The following GSDMC variants were observed in gnomAD, a reference collection of about 807,000 sequenced individuals.
GSDMC encodes gasdermin C, also known as gasdermin-C.
Under a neutral mutation model 58.0 loss-of-function variants are expected in GSDMC, and 59 were observed. The ratio of observed to expected loss-of-function variants is 1.02; its 90% confidence interval spans 0.82 to 1.26. The LOEUF (loss-of-function observed/expected upper bound fraction) is 1.26. Ranked by LOEUF, GSDMC falls within the 50% of genes most tolerant of loss-of-function variation. GSDMC has a pLI of 0.00. For synonymous variants in GSDMC, 241 were observed against 220.2 expected, an observed-to-expected ratio of 1.09 and a Z score of -0.83; for missense variants, 659 against 598.5, an observed-to-expected ratio of 1.10 and a Z score of -1.06.
At chr8:129,738,710 C>T in the GSDMC span, among the ~76,000 whole-genome samples, 91 of 152,094 alleles carry the variant, frequency 6.0e-4, no homozygotes, top group Non-Finnish European at 4.6e-4. Flanking sequence ...ATGTAAATGA[C>T]GAGTTAACGG....
At chr8:129,735,669 A>C in the GSDMC span, among the ~76,000 whole-genome samples, 4 of 152,244 alleles carry the variant, frequency 2.6e-5, no homozygotes, top group Non-Finnish European at 4.4e-5. Flanking sequence ...GTGTACAGGG[A>C]AATTTATAGC....
chr8:129,770,929 G>A (rs570220573), intron 3 of GSDMC, among the ~76,000 whole-genome samples: 1 of 151,680 alleles, frequency 6.6e-6, no homozygotes, highest in Admixed American at 6.6e-5. Context: ...AAAGGAAAGA[G>A]ATGGAAAAAG....
At chr8:129,745,849 G>A (rs967534121), downstream of GSDMC, among the ~76,000 whole-genome samples, 9 of 82,316 alleles carry the variant, frequency 1.1e-4, no homozygotes, top group East Asian at 5.5e-4. Context: ...AAGAGAGGCC[G>A]GGGCAATCAT....
downstream of GSDMC, among the ~76,000 whole-genome samples, chr8:129,747,324 G>A (rs2032985500): frequency 6.6e-6 from 1 of 151,838 alleles, no homozygotes; most frequent in African/African-American, 2.4e-5. Flanking sequence ...TACACTCCTT[G>A]GCAATTTACA....
chr8:129,748,649 C>T lies in GSDMC; in HGVS notation c.1379G>A (p.Gly460Asp). The change falls in exon 14 of 14, where the codon GGT becomes GAT. Residue 460 changes from glycine to aspartate, a missense_variant. By Grantham distance (94) the Gly-to-Asp change is moderately conservative. Coordinates refer to ENST00000276708, the MANE Select transcript of GSDMC (RefSeq NM_031415.3). ...CAGCAGGCCATAGGTGATGGCCAAA[C>T]CCTCACTCTGGAGTGGGGCGAGGAG... ...PELLAPLQSE[G>D]LAITYGLLEE... The T allele has an allele frequency of 6.2e-7, 1 of 1,611,126 alleles. No individual in the cohort carries two copies. The highest frequency in any genetic ancestry group is 8.5e-7 in the Non-Finnish European group (1 of 1,178,728).
At chr8:129,705,825 TC>T in the GSDMC span, among the ~76,000 whole-genome samples, 345 of 152,262 alleles carry the variant, frequency 2.3e-3, no homozygotes, top group Non-Finnish European at 3.8e-3. Context: ...ATAGAATTTG[TC>T]TTCAAATATA....
At chr8:129,736,372 T>C in the GSDMC span, among the ~76,000 whole-genome samples, 2 of 152,186 alleles carry the variant, frequency 1.3e-5, no homozygotes, top group African/African-American at 2.4e-5. Flanking sequence ...CTGATGAACA[T>C]CGACGTGAAA....
chr8:129,758,391 A>G (rs1013839252), intron 6 of GSDMC, among the ~76,000 whole-genome samples: 1 of 152,226 alleles, frequency 6.6e-6, no homozygotes, highest in Non-Finnish European at 1.5e-5. Context: ...AGAAAGAACT[A>G]AAGGGCATCC....
the GSDMC span, among the ~76,000 whole-genome samples, chr8:129,738,502 G>A: frequency 6.6e-6 from 1 of 152,188 alleles, no homozygotes; most frequent in East Asian, 1.9e-4. Context: ...CATGTCCTTT[G>A]CAAGGACATG....
rs1368183182 is a variant in GSDMC at position 129,750,121 on chromosome 8, T to G, written c.1084-2A>C. 1 of 1,559,924 alleles carries G rather than the reference T, an allele frequency of 6.4e-7. No homozygotes were observed. The highest frequency in any genetic ancestry group is 2.2e-5 in the East Asian group (1 of 44,498). ...ATGACCTGAGCTGTCCAATTCCAGC[T>G]ATAGAAGACAGGTATTATTGTTAAT... On this transcript the variant is annotated splice_acceptor_variant, in intron 11 of 13. Coordinates refer to ENST00000276708, the MANE Select transcript of GSDMC (RefSeq NM_031415.3). LOFTEE classifies it high-confidence loss of function.
intron 6 of GSDMC, among the ~76,000 whole-genome samples, chr8:129,754,325 G>C (rs553612491): frequency 6.6e-6 from 1 of 152,212 alleles, no homozygotes; most frequent in Non-Finnish European, 1.5e-5. Flanking sequence ...ATTTGTTTGG[G>C]AGAAAGTAAG....
intron 6 of GSDMC, among the ~76,000 whole-genome samples, chr8:129,757,666 T>C (rs2130402075): frequency 6.6e-6 from 1 of 152,076 alleles, no homozygotes; most frequent in South Asian, 2.1e-4. Flanking sequence ...TTCAACAAAA[T>C]ACTAGCAAAC....
At chr8:129,738,571 C>T in the GSDMC span, among the ~76,000 whole-genome samples, 5 of 152,202 alleles carry the variant, frequency 3.3e-5, no homozygotes, top group Admixed American at 1.3e-4. Flanking sequence ...AACCAAACAC[C>T]GCATGTTCTC....
downstream of GSDMC, among the ~76,000 whole-genome samples, chr8:129,747,898 C>T (rs1396326870): frequency 6.6e-6 from 1 of 151,986 alleles, no homozygotes; most frequent in East Asian, 1.9e-4. Flanking sequence ...GAGACAGATA[C>T]ATGACCAAGA....
intron 1 of GSDMC, among the ~76,000 whole-genome samples, chr8:129,783,146 A>ATATC (rs778978186): frequency 6.6e-5 from 10 of 152,284 alleles, no homozygotes; most frequent in Non-Finnish European, 1.5e-4. Flanking sequence ...AGCACTTGAT[A>ATATC]AAACTCAATA....
downstream of GSDMC, among the ~76,000 whole-genome samples, chr8:129,745,289 T>C (rs1763530364): frequency 6.6e-6 from 1 of 152,222 alleles, no homozygotes; most frequent in African/African-American, 2.4e-5. Context: ...TCTCCTAGTT[T>C]TCTCCTTACT....
chr8:129,730,037 AAGG>A, the GSDMC span: 2 of 1,248,634 alleles, frequency 1.6e-6, no homozygotes, highest in Non-Finnish European at 2.3e-6. Flanking sequence ...TGAGAAGGAA[AAGG>A]AGTATTCCTT....
At chr8:129,751,411 T>C (rs2033184808) in intron 10 of GSDMC, 131 bp downstream of exon 10, 2 of 711,162 alleles carry the variant, frequency 2.8e-6, no homozygotes, top group Non-Finnish European at 4.9e-6. Flanking sequence ...AAATGTTTGT[T>C]TGTTTCATGA....
chr8:129,762,003 A>G (rs1259971989), intron 5 of GSDMC, among the ~76,000 whole-genome samples: 1 of 152,186 alleles, frequency 6.6e-6, no homozygotes, highest in Non-Finnish European at 1.5e-5. Context: ...GGGAAGGGAG[A>G]AAACAAGGAC....
Sources: allele counts gnomAD v4.1 joint callset (sites outside exome capture counted in the v4.1 genomes callset), GRCh38; gene constraint gnomAD v4.1.1; transcripts MANE v1.5; gene names NCBI Gene and HGNC (gene_info 2026-07-23, HGNC 2026-07-21).